CACNG4: variants seen among roughly 807,000 people sequenced by gnomAD.
The protein encoded by CACNG4 is voltage-dependent calcium channel gamma-4 subunit.
Under a neutral mutation model 22.9 loss-of-function variants are expected in CACNG4, and 8 were observed. The observed-to-expected ratio is 0.35, with a 90% CI of 0.21 to 0.63. CACNG4 has a LOEUF of 0.63. CACNG4 is among the 30% of genes least tolerant of loss of function. CACNG4 has a pLI of 0.72. For missense variants in CACNG4, 357 were observed against 455.4 expected, an observed-to-expected ratio of 0.78 and a Z score of 1.97; for synonymous variants, 188 against 191.9, an observed-to-expected ratio of 0.98 and a Z score of 0.17.
chr17:66,980,455 T>C (rs1223869069), intron 1 of CACNG4, among the ~76,000 whole-genome samples: 1 of 152,098 alleles, frequency 6.6e-6, no homozygotes, highest in Non-Finnish European at 1.5e-5. Context: ...GTGACTCCGA[T>C]GAGGTTTGAG....
chr17:67,026,459 G>A lies in CACNG4; in HGVS notation c.445+1459G>A, dbSNP rs570335447. Among the ~76,000 whole-genome samples the A allele has an allele frequency of 1.1e-4, 16 of 150,382 alleles. No individual in the cohort carries two copies. The South Asian group carries it at 3.2e-3, about 30-fold the overall frequency. On this transcript the variant is annotated intron_variant, in intron 3 of 3. Coordinates refer to ENST00000262138, the MANE Select transcript of CACNG4 (RefSeq NM_014405.4). ...TATTTGAGGAATGTGGTGTATGTGTGTGTATTTGAGGACTGTGGGGTGTGT... is the reference window on the plus strand; with the variant it reads ...TATTTGAGGAATGTGGTGTATGTGTATGTATTTGAGGACTGTGGGGTGTGT...
At chr17:67,018,965 A>T (rs960810089) in intron 2 of CACNG4, among the ~76,000 whole-genome samples, 2 of 151,980 alleles carry the variant, frequency 1.3e-5, no homozygotes, top group Non-Finnish European at 2.9e-5. Context: ...CCCCACACTA[A>T]GTCCAGATCT....
At chr17:67,022,370 C>T (rs1375905666) in intron 2 of CACNG4, among the ~76,000 whole-genome samples, 1 of 152,178 alleles carries the variant, frequency 6.6e-6, no homozygotes, top group Non-Finnish European at 1.5e-5. Context: ...TCGGATTCCT[C>T]TGACCTGTCT....
intron 1 of CACNG4, among the ~76,000 whole-genome samples, chr17:67,002,636 C>T (rs778206090): frequency 2.6e-5 from 4 of 151,468 alleles, no homozygotes; most frequent in Non-Finnish European, 4.4e-5. Context: ...CTCTCTCTCT[C>T]TCTCTCTCTC....
intron 1 of CACNG4, among the ~76,000 whole-genome samples, chr17:67,014,080 A>T (rs1239928891): frequency 6.6e-6 from 1 of 152,190 alleles, no homozygotes; most frequent in Admixed American, 6.5e-5. Context: ...GCCCTCAGGA[A>T]GGTGAGGGCC....
intron 1 of CACNG4, among the ~76,000 whole-genome samples, chr17:66,995,789 G>T (rs1312544403): frequency 6.6e-6 from 1 of 152,112 alleles, no homozygotes; most frequent in Non-Finnish European, 1.5e-5. Flanking sequence ...GGCAGAGGTT[G>T]CAGTGAGCCA....
At chr17:67,002,385 G>A (rs956825180) in intron 1 of CACNG4, among the ~76,000 whole-genome samples, 20 of 152,192 alleles carry the variant, frequency 1.3e-4, no homozygotes, top group Non-Finnish European at 2.4e-4. Flanking sequence ...TGAGATTTGC[G>A]TGGGGACATA....
chr17:66,998,578 A>G (rs558652667), intron 1 of CACNG4, among the ~76,000 whole-genome samples: 26 of 152,112 alleles, frequency 1.7e-4, no homozygotes, highest in African/African-American at 6.3e-4. Flanking sequence ...CAAGTTCCCC[A>G]CCTTCAGGAG....
At chr17:67,023,567 G>T (rs1461182205) in intron 2 of CACNG4, among the ~76,000 whole-genome samples, 1 of 117,244 alleles carries the variant, frequency 8.5e-6, no homozygotes, top group Non-Finnish European at 1.8e-5. Flanking sequence ...GAGCCACCGC[G>T]CCCAGCCCTT....
chr17:66,992,163 G>T (rs368283631), intron 1 of CACNG4, among the ~76,000 whole-genome samples: 4 of 134,940 alleles, frequency 3.0e-5, no homozygotes, highest in South Asian at 4.3e-4. Flanking sequence ...AAGCTCCTGG[G>T]GGGGGGGGGC....
At chr17:66,966,228 G>A (rs1210882098) in intron 1 of CACNG4, among the ~76,000 whole-genome samples, 1 of 152,230 alleles carries the variant, frequency 6.6e-6, no homozygotes, top group Non-Finnish European at 1.5e-5. Flanking sequence ...ACAGGTGGCT[G>A]GGGAGGGGCC....
intron 1 of CACNG4, 85 bp downstream of exon 1, chr17:66,965,216 A>ACC: frequency 2.4e-6 from 2 of 825,932 alleles, no homozygotes; most frequent in Non-Finnish European, 1.8e-6. Flanking sequence ...GCGCGCGCAC[A>ACC]CACACACACG....
At chr17:67,002,673 G>A (rs573669813) in intron 1 of CACNG4, among the ~76,000 whole-genome samples, 5 of 151,154 alleles carry the variant, frequency 3.3e-5, no homozygotes, top group South Asian at 4.2e-4. Context: ...AGGGAGGCAG[G>A]GAATCATAGC....
At chr17:67,021,416 A>G (rs369049023) in intron 2 of CACNG4, among the ~76,000 whole-genome samples, 35 of 152,354 alleles carry the variant, frequency 2.3e-4, no homozygotes, top group African/African-American at 6.7e-4. Flanking sequence ...TGGTAGATCC[A>G]AGGCTGCGCT....
At chr17:67,004,897 T>C (rs933440027) in intron 1 of CACNG4, among the ~76,000 whole-genome samples, 1 of 152,168 alleles carries the variant, frequency 6.6e-6, no homozygotes, top group African/African-American at 2.4e-5. Flanking sequence ...CTAATTTGTG[T>C]ACTTTTAGTA....
At chr17:66,980,682 G>A (rs2035266761) in intron 1 of CACNG4, among the ~76,000 whole-genome samples, 1 of 141,248 alleles carries the variant, frequency 7.1e-6, no homozygotes, top group Non-Finnish European at 1.5e-5. Context: ...GAGTGCAGTG[G>A]CACAATCTCA....
intron 1 of CACNG4, among the ~76,000 whole-genome samples, chr17:66,982,493 G>A (rs1016453571): frequency 3.9e-4 from 53 of 135,198 alleles, no homozygotes; most frequent in African/African-American, 1.3e-3. Flanking sequence ...CTAGCTACAG[G>A]GCGTTGATTG....
chr17:66,985,144 C>A (rs28420352), intron 1 of CACNG4, among the ~76,000 whole-genome samples: 203 of 152,290 alleles, frequency 1.3e-3, no homozygotes, highest in African/African-American at 4.7e-3. Flanking sequence ...TCCCACCACC[C>A]GCCCTCATCC....
At chr17:66,987,700 C>T (rs2035312763) in intron 1 of CACNG4, among the ~76,000 whole-genome samples, 1 of 152,164 alleles carries the variant, frequency 6.6e-6, no homozygotes, top group Non-Finnish European at 1.5e-5. Context: ...GCAGCAGCTG[C>T]AGAAACACTG....
Sources: gnomAD v4.1 joint callset for allele counts (sites outside exome capture counted in the v4.1 genomes callset) on GRCh38, gnomAD v4.1.1 for gene constraint, MANE v1.5 for transcripts, NCBI Gene and HGNC (gene_info 2026-07-23, HGNC 2026-07-21) for gene names.